Variants in RTEL1 observed in about 807,000 individuals in gnomAD.
RTEL1 encodes the protein regulator of telomere elongation helicase 1, also known as regulator of telomere length.
In RTEL1, 86 loss-of-function variants were observed where a neutral mutation model predicts 162.2. The observed-to-expected ratio is 0.53, with a 90% CI of 0.45 to 0.63. The LOEUF is 0.63. Among genes scored for constraint, RTEL1 ranks in the 30% least tolerant of loss-of-function variants. The pLI is 0.00. For synonymous variants in RTEL1, 958 were observed against 717.9 expected (o/e 1.33, Z -5.35); for missense variants, 1,941 against 1,750.2 (o/e 1.11, Z -1.95).
chr20:63,678,757 G>A (rs1349395003), intron 12 of RTEL1, among the ~76,000 whole-genome samples: 1 of 118,178 alleles, frequency 8.5e-6, no homozygotes, highest in African/African-American at 3.5e-5. Flanking sequence ...CCACGGAACG[G>A]CACACTCTCC....
At position 63,673,945 on chromosome 20, in the gene RTEL1, G is replaced by A; in HGVS notation, c.771G>A (p.Lys257=). The A allele has an allele frequency of 6.2e-7, 1 of 1,611,328 alleles. No individual in the cohort carries two copies. Among genetic ancestry groups the A allele is most frequent in the Non-Finnish European group, 8.5e-7 (1 of 1,178,170 alleles). ...CGGGTGTGCTTGGGCTCTAGGAGAA[G>A]ATGTGTGAAGAATCGGCATCCTTTG... ...VIFDEAHNVE[K]MCEESASFDL... is the part of the protein sequence containing the mutation. Residue 257 remains lysine, a synonymous_variant, in exon 10 of 35, where the codon AAG becomes AAA. Transcript: ENST00000360203.
intron 6 of RTEL1, among the ~76,000 whole-genome samples, chr20:63,663,237 T>G (rs932327089): frequency 6.6e-6 from 1 of 152,220 alleles, no homozygotes; most frequent in African/African-American, 2.4e-5. Flanking sequence ...CTTCGGGGAC[T>G]TTGTTGCTTG....
rs1199216525 is a variant in RTEL1, at chr20:63,662,602, A to T, written c.452A>T (p.Lys151Met). 1 of 1,613,910 alleles carries T rather than the reference A, an allele frequency of 6.2e-7. No homozygotes were observed. Among genetic ancestry groups the T allele is most frequent in the Non-Finnish European group, 8.5e-7 (1 of 1,180,032 alleles). Residue 151 changes from lysine to methionine, a missense_variant, in exon 5 of 35, where the codon AAG becomes ATG. Lys to Met is a moderately conservative substitution (Grantham distance 95). Coordinates refer to ENST00000360203, the MANE Select transcript of RTEL1 (RefSeq NM_001283009.2). The part of the protein sequence containing the change: ...REQLCIHPEV[K>M]KQESNHLQIH... ...CAGCTGTGCATCCATCCTGAGGTGA[A>T]GAAACAAGAGAGTAACCATCTACAG...
intron 16 of RTEL1, 53 bp downstream of exon 16, chr20:63,685,925 C>G (rs2090582754): frequency 2.6e-6 from 4 of 1,521,864 alleles, no homozygotes; most frequent in Non-Finnish European, 3.6e-6. Context: ...GTGCCCGGCA[C>G]CACCATGCCA....
At position 63,691,653 on chromosome 20, in the gene RTEL1, G is replaced by C. The variant is rs2236507; in HGVS notation, c.2557-89G>C. ...CTCCATCTTGGCTCAGGGCTCCTTG[G>C]GACCATCTTCCCTGTGCGTCCAGGT... On this transcript the variant is annotated intron_variant, in intron 27 of 34. Transcript: ENST00000360203. 0.76 allele frequency: 899,393 copies of C among 1,184,554 alleles called. 348,156 individuals are homozygous for C. Among genetic ancestry groups the C allele is most frequent in the African/African-American group, 0.93 (61,424 of 65,924 alleles). 73.4% of individuals were successfully genotyped at this position (1,184,554 alleles called of 1,614,324 possible).
At position 63,661,586 on chromosome 20, in the gene RTEL1, C is replaced by T. The variant is rs2090021627; in HGVS notation, c.301+90C>T. On this transcript the variant is annotated intron_variant, in intron 3 of 34. Transcript: ENST00000360203. This position sits in a 1 kb window ranked among gnomAD's most constrained non-coding sequence, Gnocchi z 5.1. ...GGGTGGGGTGGGCCCATGGGGACTC[C>T]TGCCGTCTCTCAAGCAGAACTCAAG... 8 of 1,288,576 alleles carry T rather than the reference C, an allele frequency of 6.2e-6. No homozygotes were observed. In the African/African-American group the frequency reaches 7.4e-5, roughly 12 times the overall value. The allele number at this position is 1,288,576 out of a possible 1,614,324, so 79.8% of individuals were successfully genotyped here. A position where few individuals can be genotyped will look rare whatever the true frequency, so the allele number is the denominator to read the frequency against.
chr20:63,663,985 A>C (rs1448175295), intron 6 of RTEL1, among the ~76,000 whole-genome samples: 1 of 152,146 alleles, frequency 6.6e-6, no homozygotes, highest in Non-Finnish European at 1.5e-5. Context: ...GCTCCCGCTT[A>C]CTGGAGGCAT....
At chr20:63,675,390 G>A (rs1157779241) in intron 10 of RTEL1, among the ~76,000 whole-genome samples, 1 of 152,140 alleles carries the variant, frequency 6.6e-6, no homozygotes, top group Non-Finnish European at 1.5e-5. Flanking sequence ...GGACCCTGGG[G>A]AGCCCCGTCC....
chr20:63,680,877 C>T (rs571606834), intron 14 of RTEL1, 158 bp downstream of exon 14: 1 of 978,558 alleles, frequency 1.0e-6, no homozygotes, highest in South Asian at 4.7e-5. Flanking sequence ...TTTCCAGTGC[C>T]CTAAACCCAC....
chr20:63,672,381 G>A (rs1421479376), intron 8 of RTEL1, among the ~76,000 whole-genome samples, 175 bp from the exon 9 acceptor site: 3 of 152,216 alleles, frequency 2.0e-5, no homozygotes, highest in Non-Finnish European at 4.4e-5. Flanking sequence ...GCGAACTGCT[G>A]GTTAGGGTGG....
rs761854304 is a variant in RTEL1 at position 63,687,899 on chromosome 20, G to A, written c.1482-38G>A. 1.9e-6 allele frequency: 3 copies of A among 1,606,326 alleles called. No homozygotes were observed. In the Admixed American group the frequency reaches 5.0e-5, roughly 27 times the overall value. On this transcript the variant is annotated intron_variant, in intron 17 of 34. Coordinates refer to ENST00000360203, the MANE Select transcript of RTEL1 (RefSeq NM_001283009.2). ...CCTCGAGGGCTAAAGGGGTGCTGGTGCACTTCCCCACTGTCTGCTCCCTCT... is the reference window on the plus strand; with the variant it reads ...CCTCGAGGGCTAAAGGGGTGCTGGTACACTTCCCCACTGTCTGCTCCCTCT...
At chr20:63,681,710 G>T (rs1439911157) in intron 14 of RTEL1, 6 of 985,216 alleles carry the variant, frequency 6.1e-6, no homozygotes, top group Non-Finnish European at 7.2e-6. Context: ...GACCAGGTGG[G>T]GTGGGCACAG....
At chr20:63,663,116 G>C (rs2090053734) in intron 6 of RTEL1, 2 of 591,058 alleles carry the variant, frequency 3.4e-6, no homozygotes, top group South Asian at 2.0e-5. Flanking sequence ...TCTGGCTGGT[G>C]CCTGGGGCCT....
At chr20:63,679,175 TGAG>T (rs528865163) in intron 12 of RTEL1, among the ~76,000 whole-genome samples, 209 of 152,304 alleles carry the variant, frequency 1.4e-3, no homozygotes, top group African/African-American at 4.9e-3. Flanking sequence ...TGCAGGCAGA[TGAG>T]GAGTCAGGGC....
rs2738784 is a variant in RTEL1, at chr20:63,679,219, A to G, written c.1038-630A>G. Among the ~76,000 whole-genome samples, 689 of 152,258 alleles carry G rather than the reference A, an allele frequency of 4.5e-3. 4 individuals are homozygous for G. The highest frequency in any genetic ancestry group is 6.5e-3 in the Non-Finnish European group (439 of 68,012). ...CCTGTGTGGGGGCTCTCCTGAGCGC[A>G]CAGCCGCCGAGGTGGAGCGTGTTCT... On this transcript the variant is annotated intron_variant, in intron 12 of 34. Transcript: ENST00000360203.
At chr20:63,693,430 CCACCACCAGCACCAGCAG>C (rs1315403875) in intron 30 of RTEL1, 147 bp downstream of exon 30, 12 of 894,602 alleles carry the variant, frequency 1.3e-5, no homozygotes, top group Admixed American at 2.5e-5. Flanking sequence ...GCCTCCACCT[CCACCACCAGCACCAGCAG>C]CACCACCTCC....
chr20:63,690,621 A>G (rs2090714735), intron 26 of RTEL1, among the ~76,000 whole-genome samples, 180 bp downstream of exon 26: 1 of 152,142 alleles, frequency 6.6e-6, no homozygotes, highest in African/African-American at 2.4e-5. Flanking sequence ...ACCCTCCCCT[A>G]CAGGCAGAGA....
chr20:63,681,169 T>A (rs1601142148), intron 14 of RTEL1: 30 of 985,192 alleles, frequency 3.0e-5, no homozygotes, highest in Non-Finnish European at 3.5e-5. Flanking sequence ...AGCCCATGAT[T>A]GGGGGTGCGA....
rs981133621 is a variant in RTEL1, at chr20:63,695,170, G to A, written c.3448G>A (p.Glu1150Lys). Residue 1150 changes from glutamate (E) to lysine (K), a missense_variant, in exon 33 of 35, where the codon GAG (glutamate) becomes AAG (lysine). Physicochemically the swap from Glu to Lys is moderately conservative, Grantham distance 56 (BLOSUM62 1). Transcript: ENST00000360203. The stretch of plus-strand genomic sequence containing the variant: ...GGGCATGGAGCCACCGGGACCCCAG[G>A]AGGAGAGGCTTGCCGTGCCTCCTGT... The part of the protein sequence containing the change: ...YPGMEPPGPQ[E>K]ERLAVPPVLT... 12 of 1,612,268 alleles carry A rather than the reference G, an allele frequency of 7.4e-6. No homozygotes were observed. The highest frequency in any genetic ancestry group is 1.0e-5 in the Non-Finnish European group (12 of 1,179,846).
Sources: allele counts gnomAD v4.1 joint callset (sites outside exome capture counted in the v4.1 genomes callset), GRCh38; gene constraint gnomAD v4.1.1; non-coding constraint Gnocchi (gnomAD v3.1); transcripts MANE v1.5; gene names NCBI Gene and HGNC (gene_info 2026-07-23, HGNC 2026-07-21).